Variants in LRRC4C observed in about 807,000 individuals in gnomAD.
LRRC4C encodes leucine rich repeat containing 4C.
LRRC4C carries 5 observed loss-of-function variants against 33.6 expected under a neutral mutation model. The ratio of observed to expected loss-of-function variants is 0.15; its 90% confidence interval spans 0.08 to 0.31. The LOEUF is 0.31. Among genes scored for constraint, LRRC4C ranks in the 10% least tolerant of loss-of-function variants. The pLI, the probability that LRRC4C is intolerant of heterozygous loss-of-function variation, is 1.00. For synonymous variants in LRRC4C, 329 were observed against 302.0 expected (o/e 1.09, Z -0.93); for missense variants, 560 against 796.7 (o/e 0.70, Z 3.58).
At chr11:41,148,885 G>A (rs971501616) in intron 1 of LRRC4C, among the ~76,000 whole-genome samples, 1 of 152,124 alleles carries the variant, frequency 6.6e-6, no homozygotes, top group East Asian at 1.9e-4. Context: ...AATTACGTTA[G>A]CTATTGTTAT....
chr11:40,417,846 G>T (rs928595225), intron 3 of LRRC4C, among the ~76,000 whole-genome samples: 1 of 152,122 alleles, frequency 6.6e-6, no homozygotes, highest in African/African-American at 2.4e-5. Flanking sequence ...ATGGGTTAGG[G>T]TTTATCTGCT....
rs191186010 is a variant in LRRC4C at position 41,221,331 on chromosome 11, G to T, written c.-496+238100C>A. Among the ~76,000 whole-genome samples the T allele has an allele frequency of 1.5e-3, 218 of 149,698 alleles. 2 individuals carry two copies. Among genetic ancestry groups the T allele is most frequent in the African/African-American group, 5.1e-3 (207 of 40,806 alleles). On this transcript the variant is annotated intron_variant, in intron 1 of 6. Transcript: ENST00000528697. The stretch of plus-strand genomic sequence containing the variant: ...CAATATCACTGATTATTAGAGAAAT[G>T]AAAATCAAAACACGATGAGATACCA...
At position 41,279,428 on chromosome 11, in the gene LRRC4C, A is replaced by ACC. The variant is rs1555134481; in HGVS notation, c.-496+180001_-496+180002dup. Among the ~76,000 whole-genome samples the ACC allele has an allele frequency of 2.4e-3, 342 of 140,882 alleles. 5 individuals are homozygous for ACC. The highest frequency in any genetic ancestry group is 3.7e-3 in the African/African-American group (136 of 36,806). 92.4% of individuals were successfully genotyped at this position (140,882 alleles called of 152,430 possible). A position where few individuals can be genotyped will look rare whatever the true frequency, so the allele number is the denominator to read the frequency against. ...CACACACACACACACACACACACAC[A>ACC]CCGTGGCAATCACTGCCTGCAATGG... is the stretch of plus-strand genomic sequence containing the variant. On this transcript the variant is annotated intron_variant, in intron 1 of 6. Coordinates refer to ENST00000528697, the MANE Select transcript of LRRC4C (RefSeq NM_001258419.2).
chr11:40,670,634 C>T (rs935461577), intron 2 of LRRC4C, among the ~76,000 whole-genome samples: 1 of 152,058 alleles, frequency 6.6e-6, no homozygotes, highest in Non-Finnish European at 1.5e-5. Flanking sequence ...AGCAAAGTTG[C>T]TAGATGTAGG....
intron 2 of LRRC4C, among the ~76,000 whole-genome samples, chr11:40,808,921 T>C (rs1384417954): frequency 6.6e-6 from 1 of 152,170 alleles, no homozygotes; most frequent in Non-Finnish European, 1.5e-5. Flanking sequence ...GTATACCTAA[T>C]GCCAAACTTT....
chr11:41,130,344 A>G (rs1439461115), intron 1 of LRRC4C, among the ~76,000 whole-genome samples: 1 of 151,942 alleles, frequency 6.6e-6, no homozygotes, highest in African/African-American at 2.4e-5. Context: ...TATCAAAAAA[A>G]TCTTCACTAT....
rs544780431 is a variant in LRRC4C at position 40,994,478 on chromosome 11, G to A, written c.-495-60755C>T. 3.9e-5 allele frequency among the ~76,000 whole-genome samples: 6 copies of A among 152,190 alleles called. No homozygotes were observed. In the South Asian group the frequency reaches 1.2e-3, roughly 32 times the overall value. The stretch of plus-strand genomic sequence containing the variant: ...TTTGCAATTAACATAGGGTGACGGT[G>A]ATCCTTTCAGAATTTCTGGCTTGGA... On this transcript the variant is annotated intron_variant, in intron 1 of 6. Coordinates refer to ENST00000528697, the MANE Select transcript of LRRC4C (RefSeq NM_001258419.2).
intron 6 of LRRC4C, among the ~76,000 whole-genome samples, chr11:40,134,792 T>C (rs1456422468): frequency 6.6e-6 from 1 of 152,198 alleles, no homozygotes; most frequent in East Asian, 1.9e-4. Context: ...CTTCCTCTGA[T>C]TTCTGTATAT....
chr11:40,783,263 G>C (rs1275632700), intron 2 of LRRC4C, among the ~76,000 whole-genome samples: 3 of 150,888 alleles, frequency 2.0e-5, no homozygotes, highest in Non-Finnish European at 4.4e-5. Flanking sequence ...TTGGCTAAGT[G>C]AGCACTGTTT....
intron 3 of LRRC4C, among the ~76,000 whole-genome samples, chr11:40,602,064 G>A (rs556939287): frequency 9.9e-5 from 15 of 151,742 alleles, no homozygotes; most frequent in African/African-American, 2.7e-4. Flanking sequence ...GTGTGGTGGC[G>A]CGTGCCTCTA....
At chr11:41,363,235 C>G (rs922661641) in intron 1 of LRRC4C, among the ~76,000 whole-genome samples, 1 of 152,148 alleles carries the variant, frequency 6.6e-6, no homozygotes, top group African/African-American at 2.4e-5. Flanking sequence ...GTTTACCCTG[C>G]CCACCAAGCT....
At chr11:40,691,296 C>T (rs1565639714) in intron 2 of LRRC4C, among the ~76,000 whole-genome samples, 1 of 152,002 alleles carries the variant, frequency 6.6e-6, no homozygotes, top group African/African-American at 2.4e-5. Flanking sequence ...CACAGGGACT[C>T]ATAGGGAGCA....
At chr11:40,520,527 G>C (rs187706368) in intron 3 of LRRC4C, among the ~76,000 whole-genome samples, 1 of 152,226 alleles carries the variant, frequency 6.6e-6, no homozygotes, top group African/African-American at 2.4e-5. Context: ...CAACTGTTTG[G>C]TGGGGCAATT....
chr11:41,369,759 T>C lies in LRRC4C; in HGVS notation c.-496+89672A>G, dbSNP rs13377241. On this transcript the variant is annotated intron_variant, in intron 1 of 6. Coordinates refer to ENST00000528697, the MANE Select transcript of LRRC4C (RefSeq NM_001258419.2). ...CATATAAGGAACTTAGATTTCATTC[T>C]AGTAATGATGAGCACCTGGAGAAAA... Among the ~76,000 whole-genome samples, 363 of 150,378 alleles carry C rather than the reference T, an allele frequency of 2.4e-3. 3 individuals carry two copies. The highest frequency in any genetic ancestry group is 8.6e-3 in the African/African-American group (348 of 40,620).
intron 3 of LRRC4C, among the ~76,000 whole-genome samples, chr11:40,581,730 T>G (rs1958475651): frequency 1.3e-5 from 2 of 151,974 alleles, no homozygotes; most frequent in Non-Finnish European, 2.9e-5. Context: ...GGTGAAACCC[T>G]GACTCTACTA....
intron 2 of LRRC4C, among the ~76,000 whole-genome samples, chr11:40,677,031 CCT>C (rs1352511965): frequency 2.0e-5 from 3 of 152,076 alleles, no homozygotes; most frequent in Non-Finnish European, 4.4e-5. Flanking sequence ...CATGACTCCC[CCT>C]GTGTTTCACA....
intron 5 of LRRC4C, among the ~76,000 whole-genome samples, chr11:40,205,688 T>A (rs192777247): frequency 9.2e-5 from 14 of 152,336 alleles, no homozygotes; most frequent in Admixed American, 7.8e-4. Context: ...CTCACCCCTG[T>A]CAAAATATTC....
intron 2 of LRRC4C, among the ~76,000 whole-genome samples, chr11:40,656,512 T>C (rs1345062109): frequency 6.6e-6 from 1 of 151,870 alleles, no homozygotes; most frequent in Non-Finnish European, 1.5e-5. Context: ...ATTTATTGCT[T>C]GATGAACTCT....
intron 1 of LRRC4C, among the ~76,000 whole-genome samples, chr11:41,199,350 A>G (rs574474591): frequency 4.6e-5 from 7 of 152,182 alleles, no homozygotes; most frequent in African/African-American, 1.4e-4. Context: ...ACAATATTCA[A>G]AAACGGGGAG....
Sources: gnomAD v4.1 joint callset for allele counts (sites outside exome capture counted in the v4.1 genomes callset) on GRCh38, gnomAD v4.1.1 for gene constraint, MANE v1.5 for transcripts, NCBI Gene and HGNC (gene_info 2026-07-23, HGNC 2026-07-21) for gene names.